Variants in THSD7B observed in about 807,000 individuals in gnomAD.
THSD7B encodes the protein thrombospondin type-1 domain-containing protein 7B.
THSD7B carries 138 observed loss-of-function variants against 213.6 expected under a neutral mutation model. The observed-to-expected ratio is 0.65, with a 90% CI of 0.56 to 0.74. The LOEUF (loss-of-function observed/expected upper bound fraction) is 0.74. Ranked by LOEUF, THSD7B falls within the 30% of genes least tolerant of loss-of-function variation. The pLI is 0.00. For missense variants in THSD7B, 1,931 were observed against 1,991.5 expected, an observed-to-expected ratio of 0.97 and a Z score of 0.58; for synonymous variants, 742 against 687.0, an observed-to-expected ratio of 1.08 and a Z score of -1.25.
intron 2 of THSD7B, among the ~76,000 whole-genome samples, chr2:137,043,795 A>T (rs1189111991): frequency 6.6e-6 from 1 of 152,192 alleles, no homozygotes; most frequent in Non-Finnish European, 1.5e-5. Flanking sequence ...GAAAAGAGAA[A>T]TATTAGGTGG....
intron 15 of THSD7B, among the ~76,000 whole-genome samples, chr2:137,535,319 T>A (rs2105184980): frequency 6.6e-6 from 1 of 151,882 alleles, no homozygotes; most frequent in East Asian, 1.9e-4. Context: ...GCAAAGGTAT[T>A]CATACCTCCT....
At chr2:137,233,572 C>G (rs867250302) in intron 9 of THSD7B, among the ~76,000 whole-genome samples, 3 of 152,156 alleles carry the variant, frequency 2.0e-5, no homozygotes, top group South Asian at 4.1e-4. Flanking sequence ...TCCATACAGC[C>G]ATTCTAATTA....
intron 2 of THSD7B, among the ~76,000 whole-genome samples, chr2:136,996,631 T>G (rs183902307): frequency 8.5e-4 from 129 of 152,178 alleles, no homozygotes; most frequent in African/African-American, 3.0e-3. Context: ...CAGGCGTGAG[T>G]CACTGCATCT....
chr2:137,225,896 G>A (rs1681487584), intron 7 of THSD7B, among the ~76,000 whole-genome samples: 1 of 151,664 alleles, frequency 6.6e-6, no homozygotes, highest in Admixed American at 6.6e-5. Flanking sequence ...CTTCTGTTTT[G>A]CCCTTAGCTT....
At chr2:137,219,612 C>T (rs1681322218) in intron 7 of THSD7B, among the ~76,000 whole-genome samples, 1 of 152,078 alleles carries the variant, frequency 6.6e-6, no homozygotes, top group African/African-American at 2.4e-5. Flanking sequence ...CTGTAACTTT[C>T]AATATGTTAC....
At chr2:137,462,554 C>A (rs1005812026) in intron 15 of THSD7B, among the ~76,000 whole-genome samples, 1 of 152,026 alleles carries the variant, frequency 6.6e-6, no homozygotes, top group Non-Finnish European at 1.5e-5. Flanking sequence ...CCTGATTCAT[C>A]CTTTTAAAAC....
chr2:136,780,077 T>C (rs1573634840), intron 1 of THSD7B, among the ~76,000 whole-genome samples: 1 of 152,202 alleles, frequency 6.6e-6, no homozygotes, highest in Non-Finnish European at 1.5e-5. Context: ...TGTGTCTGTC[T>C]GTCTTAGGCT....
intron 10 of THSD7B, among the ~76,000 whole-genome samples, chr2:137,244,182 T>C (rs1681972897): frequency 6.6e-6 from 1 of 152,216 alleles, no homozygotes; most frequent in Non-Finnish European, 1.5e-5. Flanking sequence ...CCTAAAAACA[T>C]TTCAAGCTCT....
In THSD7B at chr2:137,391,465, G is replaced by T. The variant is rs111869900; in HGVS notation, c.2501-14148G>T. Among the ~76,000 whole-genome samples, 1,413 of 152,174 alleles carry T rather than the reference G, an allele frequency of 9.3e-3. 20 individuals carry two copies. Among genetic ancestry groups the T allele is most frequent in the African/African-American group, 0.032 (1,343 of 41,510 alleles). ...GCATTTTGGGAGGCCAAGGCGGGCAGATCACAAGGATCAGGGATTCGAGAC... is the reference window on the plus strand; with the variant it reads ...GCATTTTGGGAGGCCAAGGCGGGCATATCACAAGGATCAGGGATTCGAGAC... On this transcript the variant is annotated intron_variant, in intron 12 of 27. Transcript: ENST00000409968.
At chr2:136,891,033 A>C (rs1683845837) in intron 2 of THSD7B, among the ~76,000 whole-genome samples, 1 of 129,648 alleles carries the variant, frequency 7.7e-6, no homozygotes, top group South Asian at 3.2e-4. Context: ...TCTTTTAACT[A>C]TTATTTTGAA....
chr2:137,393,275 G>A (rs1206359730), intron 12 of THSD7B, among the ~76,000 whole-genome samples: 1 of 151,180 alleles, frequency 6.6e-6, no homozygotes, highest in South Asian at 2.1e-4. Context: ...TCGTCATCTA[G>A]CATTAGGTAT....
chr2:137,397,476 A>G (rs1686223119), intron 12 of THSD7B, among the ~76,000 whole-genome samples: 1 of 151,850 alleles, frequency 6.6e-6, no homozygotes, highest in Non-Finnish European at 1.5e-5. Context: ...TTTCTTTAAG[A>G]ATGTTGAATA....
At chr2:137,305,160 G>C (rs1025045946) in intron 12 of THSD7B, among the ~76,000 whole-genome samples, 1 of 152,152 alleles carries the variant, frequency 6.6e-6, no homozygotes, top group African/African-American at 2.4e-5. Context: ...ATGACAGTTT[G>C]ATAGAGTGTA....
At chr2:137,611,286 AT>A (rs367998719) in intron 17 of THSD7B, among the ~76,000 whole-genome samples, 159 of 151,986 alleles carry the variant, frequency 1.0e-3, no homozygotes, top group African/African-American at 3.7e-3. Context: ...TTTTGAAATA[AT>A]TTTTACCCTG....
chr2:137,180,183 T>C (rs1680429083), intron 7 of THSD7B, among the ~76,000 whole-genome samples: 1 of 152,160 alleles, frequency 6.6e-6, no homozygotes, highest in South Asian at 2.1e-4. Flanking sequence ...GGCATTACTG[T>C]GTACAGTAGG....
intron 3 of THSD7B, among the ~76,000 whole-genome samples, chr2:137,058,802 T>C (rs575577670): frequency 6.6e-6 from 1 of 152,066 alleles, no homozygotes; most frequent in Non-Finnish European, 1.5e-5. Flanking sequence ...CTCACTCTTT[T>C]TCTGCCATTT....
intron 2 of THSD7B, among the ~76,000 whole-genome samples, chr2:136,909,607 C>T (rs1024455084): frequency 1.3e-5 from 2 of 152,060 alleles, no homozygotes; most frequent in African/African-American, 4.8e-5. Flanking sequence ...TCCATTTGAG[C>T]TTATATTTAT....
At position 136,978,272 on chromosome 2, in the gene THSD7B, T is replaced by C. The variant is rs149209929; in HGVS notation, c.140-78148T>C. The stretch of plus-strand genomic sequence containing the variant: ...GAGAAGAATGTATATTCTGTTGTTT[T>C]GGAGTGGAGAATTTTGCAGATATCT... On this transcript the variant is annotated intron_variant, in intron 2 of 27. Coordinates refer to ENST00000409968, the MANE Select transcript of THSD7B (RefSeq NM_001316349.2). Among the ~76,000 whole-genome samples the C allele has an allele frequency of 5.3e-5, 8 of 152,336 alleles. 1 individual carries two copies. In the East Asian group the frequency reaches 1.5e-3, roughly 29 times the overall value.
chr2:137,537,360 T>C (rs1680526984), intron 15 of THSD7B, among the ~76,000 whole-genome samples: 1 of 151,748 alleles, frequency 6.6e-6, no homozygotes. Context: ...TACTTCTATC[T>C]AAAGCCAAAC....
Sources: gnomAD v4.1 joint callset for allele counts (sites outside exome capture counted in the v4.1 genomes callset) on GRCh38, gnomAD v4.1.1 for gene constraint, MANE v1.5 for transcripts, NCBI Gene and HGNC (gene_info 2026-07-23, HGNC 2026-07-21) for gene names.